Variants in COL6A2 observed in about 807,000 individuals in gnomAD.
The protein encoded by COL6A2 is collagen type VI alpha 2 chain, also known as collagen alpha-2(VI) chain.
COL6A2 carries 90 observed loss-of-function variants against 124.9 expected under a neutral mutation model. The ratio of observed to expected loss-of-function variants is 0.72; its 90% CI spans 0.61 to 0.86. The LOEUF (loss-of-function observed/expected upper bound fraction) is 0.86. Ranked by LOEUF, COL6A2 falls within the 40% of genes least tolerant of loss-of-function variation. The pLI is 0.00. For synonymous variants in COL6A2, 793 were observed against 618.2 expected, an observed-to-expected ratio of 1.28 and a Z score of -4.19; for missense variants, 1,607 against 1,502.5, an observed-to-expected ratio of 1.07 and a Z score of -1.15.
At position 46,112,594 on chromosome 21, in the gene COL6A2, A is replaced by G; in HGVS notation, c.714+17A>G. 6.2e-7 allele frequency: 1 copy of G among 1,610,166 alleles called. No individual in the cohort carries two copies. Among genetic ancestry groups the G allele is most frequent in the Middle Eastern group, 1.7e-4 (1 of 6,028 alleles). On this transcript the variant is annotated intron_variant, in intron 3 of 27. Coordinates refer to ENST00000300527, the MANE Select transcript of COL6A2 (RefSeq NM_001849.4). ...AAGGTCATGGTGAGCCGCGGGCGGG[A>G]GCACCGTCCACGCGCCAGGGGTGGC...
intron 20 of COL6A2, 137 bp downstream of exon 20, chr21:46,122,668 T>C: frequency 8.3e-6 from 9 of 1,082,886 alleles, no homozygotes; most frequent in South Asian, 1.3e-5. Context: ...GGCCCAGCCA[T>C]GTCACCTATG....
At chr21:46,131,550 G>C (rs2078759972) in intron 27 of COL6A2, among the ~76,000 whole-genome samples, 1 of 152,212 alleles carries the variant, frequency 6.6e-6, no homozygotes, top group Non-Finnish European at 1.5e-5. Flanking sequence ...GGGGGTGTCA[G>C]AGCCAGGGTC....
At position 46,116,729 on chromosome 21, in the gene COL6A2, G is replaced by GCTAATGCTTCCT; in HGVS notation, c.955-41_955-40insCTAATGCTTCCT. On this transcript the variant is annotated intron_variant, in intron 9 of 27. Transcript: ENST00000300527. This position sits in a 1 kb window ranked among gnomAD's most constrained non-coding sequence, Gnocchi z 4.6. ...CTCCTTCCTGCTGCTCAGGGCAGAA[G>GCTAATGCTTCCT]GACCGGGGCTAATGGAGTTCCCTCT... 6.2e-7 allele frequency: 1 copy of GCTAATGCTTCCT among 1,613,102 alleles called. No homozygotes were observed. Among genetic ancestry groups the GCTAATGCTTCCT allele is most frequent in the Non-Finnish European group, 8.5e-7 (1 of 1,180,012 alleles).
chr21:46,121,513 G>A (rs1283677630), intron 17 of COL6A2, 43 bp from the exon 18 acceptor site: 1 of 1,600,058 alleles, frequency 6.2e-7, no homozygotes, highest in African/African-American at 1.3e-5. Context: ...GGCATGGCCA[G>A]TCCCTGCCTG....
intron 27 of COL6A2, chr21:46,129,348 G>T (rs998200606): frequency 6.2e-7 from 1 of 1,612,938 alleles, no homozygotes; most frequent in Admixed American, 1.7e-5. Flanking sequence ...CCAGCTGGTG[G>T]CCGTGCTGGT....
intron 27 of COL6A2, among the ~76,000 whole-genome samples, chr21:46,130,463 G>A (rs66514606): frequency 6.6e-6 from 1 of 152,000 alleles, no homozygotes; most frequent in Admixed American, 6.5e-5. Flanking sequence ...CCATTTCTCA[G>A]GGCCAGGTTC....
chr21:46,121,474 G>A, intron 17 of COL6A2, 82 bp from the exon 18 acceptor site: 1 of 1,366,058 alleles, frequency 7.3e-7, no homozygotes, highest in African/African-American at 1.4e-5. Flanking sequence ...GGTGGTCAGG[G>A]CTGGACGGGG....
intron 27 of COL6A2, chr21:46,129,272 G>C: frequency 6.2e-7 from 1 of 1,612,914 alleles, no homozygotes; most frequent in Non-Finnish European, 8.5e-7. Context: ...CCTTCCCCAG[G>C]ACCATTCCCC....
In COL6A2 at chr21:46,132,036, C is replaced by T. The variant is rs2078766983; in HGVS notation, c.2544C>T (p.Asn848=). The T allele has an allele frequency of 6.2e-7, 1 of 1,608,556 alleles. No homozygotes were observed. The highest frequency in any genetic ancestry group is 2.2e-5 in the East Asian group (1 of 44,792). ...LDGSERLGEQ[N]FHKARRFVEQ... is the part of the protein sequence containing the mutation. ...GCTCCGAGCGGCTGGGTGAGCAGAA[C>T]TTCCACAAGGCCCGGCGCTTCGTGG... Residue 848 remains asparagine (N), a synonymous_variant, in exon 28 of 28, where the codon AAC becomes AAT. Transcript: ENST00000300527.
chr21:46,101,018 T>C (rs770813028), intron 1 of COL6A2, among the ~76,000 whole-genome samples: 1 of 152,220 alleles, frequency 6.6e-6, no homozygotes, highest in African/African-American at 2.4e-5. Flanking sequence ...CTGCCAACAG[T>C]GCACAAGGGT....
chr21:46,132,605 T>C lies in COL6A2; in HGVS notation c.*53T>C, dbSNP rs934339358. On this transcript the variant is annotated 3_prime_UTR_variant, in exon 28 of 28. Coordinates refer to ENST00000300527, the MANE Select transcript of COL6A2 (RefSeq NM_001849.4). Reference sequence around the variant, plus strand: ...GGTCGTGAGCCCACCCCGTCCATGGTGCTAAGCGGGCCCGGGTCCCACACG... The same window carrying C: ...GGTCGTGAGCCCACCCCGTCCATGGCGCTAAGCGGGCCCGGGTCCCACACG... 2.6e-5 allele frequency: 39 copies of C among 1,512,944 alleles called. No individual in the cohort carries two copies. Among genetic ancestry groups the C allele is most frequent in the Non-Finnish European group, 3.5e-5 (39 of 1,121,036 alleles). 93.7% of individuals were successfully genotyped at this position (1,512,944 alleles called of 1,614,324 possible).
In COL6A2 at chr21:46,125,802, G is replaced by C; in HGVS notation, c.1987G>C (p.Val663Leu). 6.2e-7 allele frequency: 1 copy of C among 1,612,764 alleles called. No individual in the cohort carries two copies. The change falls in exon 26 of 28, where the codon GTG becomes CTG. Residue 663 changes from valine to leucine, a missense_variant. By Grantham distance (32) the Val-to-Leu change is conservative. Transcript: ENST00000300527. ...KSETGTRVGV[V>L]QYSHEGTFEA... ...GCTTGCAGGGACGCGTGTGGGCGTGGTGCAGTACAGCCACGAGGGCACCTT... is the reference window on the plus strand; with the variant it reads ...GCTTGCAGGGACGCGTGTGGGCGTGCTGCAGTACAGCCACGAGGGCACCTT...
At chr21:46,113,759 G>C in intron 4 of COL6A2, 1 of 580,606 alleles carries the variant, frequency 1.7e-6, no homozygotes, top group Non-Finnish European at 3.1e-6. Context: ...GCTTAAGCCA[G>C]GCTTGGTTTT....
At chr21:46,130,838 A>G (rs1331908101) in intron 27 of COL6A2, among the ~76,000 whole-genome samples, 1 of 152,102 alleles carries the variant, frequency 6.6e-6, no homozygotes, top group African/African-American at 2.4e-5. Flanking sequence ...CTTTCACTGA[A>G]TGAGCTGCGT....
chr21:46,127,252 G>A lies in COL6A2; in HGVS notation c.2461+711G>A, dbSNP rs539799417. On this transcript the variant is annotated intron_variant, in intron 27 of 27. Coordinates refer to ENST00000300527, the MANE Select transcript of COL6A2 (RefSeq NM_001849.4). ...CCATGGAGACAGGGTGGGAGGGTCC[G>A]ACCTGGAGGACCACAGGGAGGAAAC... Among the ~76,000 whole-genome samples the A allele has an allele frequency of 1.5e-4, 23 of 152,256 alleles. No homozygotes were observed. The South Asian group carries it at 3.1e-3, about 21-fold the overall frequency.
chr21:46,100,281 G>T (rs1375100850), intron 1 of COL6A2, among the ~76,000 whole-genome samples: 2 of 151,854 alleles, frequency 1.3e-5, no homozygotes, highest in African/African-American at 4.8e-5. Flanking sequence ...TAAGAGACGG[G>T]GTCTCACTAT....
intron 27 of COL6A2, chr21:46,129,796 ACT>A (rs2078736832): frequency 8.2e-7 from 1 of 1,224,436 alleles, no homozygotes; most frequent in Admixed American, 4.0e-5. Context: ...AAGACCCTTA[ACT>A]CACTCCCGTC....
chr21:46,117,325 G>A (rs1460313055), intron 10 of COL6A2, 75 bp from the exon 11 acceptor site: 25 of 1,450,588 alleles, frequency 1.7e-5, no homozygotes, highest in South Asian at 2.4e-5. Flanking sequence ...AACCGGGTGG[G>A]CTGTGTCTTG....
chr21:46,126,468 C>A lies in COL6A2; in HGVS notation c.2423-35C>A, dbSNP rs16978878. The A allele has an allele frequency of 0.089, 143,062 of 1,608,332 alleles. 7,234 individuals carry two copies. Among genetic ancestry groups the A allele is most frequent in the South Asian group, 0.14 (13,029 of 90,984 alleles). On this transcript the variant is annotated intron_variant, in intron 26 of 27. Coordinates refer to ENST00000300527, the MANE Select transcript of COL6A2 (RefSeq NM_001849.4). ...CCGCTGAGGGTTCGCTAGGGACTGA[C>A]CCTGGCCTGGCCCGGCCTCTCTCCT...
Sources: allele counts gnomAD v4.1 joint callset (sites outside exome capture counted in the v4.1 genomes callset), GRCh38; gene constraint gnomAD v4.1.1; non-coding constraint Gnocchi (gnomAD v3.1); transcripts MANE v1.5; gene names NCBI Gene and HGNC (gene_info 2026-07-23, HGNC 2026-07-21).